The following MED27 variants were observed in gnomAD, a reference collection of about 807,000 sequenced individuals.
MED27 encodes the protein mediator of RNA polymerase II transcription subunit 27.
In MED27, 30 loss-of-function variants were observed where a neutral mutation model predicts 38.2. The ratio of observed to expected loss-of-function variants is 0.79; its 90% CI spans 0.59 to 1.07. The LOEUF is 1.07. Among genes scored for constraint, MED27 ranks in the 50% least tolerant of loss-of-function variants. The pLI is 0.00. For missense variants in MED27, 289 were observed against 397.5 expected (o/e 0.73, Z 2.32); for synonymous variants, 122 against 153.5 (o/e 0.79, Z 1.52).
chr9:132,048,204 T>A (rs1046967006), intron 2 of MED27, among the ~76,000 whole-genome samples: 3 of 152,208 alleles, frequency 2.0e-5, no homozygotes, highest in Non-Finnish European at 4.4e-5. Flanking sequence ...CTTGCAAACA[T>A]CCTTGACATT....
intron 5 of MED27, among the ~76,000 whole-genome samples, chr9:131,884,921 C>T (rs1275106561): frequency 2.0e-5 from 3 of 152,152 alleles, no homozygotes; most frequent in Admixed American, 2.0e-4. Context: ...TTTACCATTT[C>T]AAAATTTAAA....
chr9:131,894,619 A>G (rs1829795446), intron 4 of MED27, among the ~76,000 whole-genome samples: 2 of 140,192 alleles, frequency 1.4e-5, no homozygotes, highest in African/African-American at 5.4e-5. Flanking sequence ...CATATTATAC[A>G]TTAAAAAAAA....
chr9:131,939,342 TCCCCCAACA>T, intron 4 of MED27, 30 bp downstream of exon 4: 4 of 1,412,252 alleles, frequency 2.8e-6, no homozygotes, highest in Admixed American at 2.0e-5. Flanking sequence ...GTCCATTTTT[TCCCCCAACA>T]TCCCTACAAA....
intron 3 of MED27, among the ~76,000 whole-genome samples, chr9:131,939,918 T>A (rs536133079): frequency 6.6e-6 from 1 of 151,130 alleles, no homozygotes; most frequent in East Asian, 1.9e-4. Flanking sequence ...TTTTTTTTTT[T>A]TTCTTTGAGA....
chr9:131,907,081 G>A (rs540967189), intron 4 of MED27, among the ~76,000 whole-genome samples: 1 of 152,134 alleles, frequency 6.6e-6, no homozygotes, highest in African/African-American at 2.4e-5. Context: ...TGCCATCTTG[G>A]TTTTGGTGGG....
Position 131,862,777 on chromosome 9 carries a change from A to G in MED27, c.801+286T>C, listed in dbSNP as rs1025994532. Among the ~76,000 whole-genome samples the G allele has an allele frequency of 6.6e-6, 1 of 152,236 alleles. No homozygotes were observed. Among genetic ancestry groups the G allele is most frequent in the African/African-American group, 2.4e-5 (1 of 41,460 alleles). On this transcript the variant is annotated intron_variant, in intron 7 of 7. Coordinates refer to ENST00000292035, the MANE Select transcript of MED27 (RefSeq NM_004269.4). The surrounding 1 kb of genome is among the most constrained non-coding windows in gnomAD (Gnocchi z 4.6). ...GGGCCTGGCCCAGATTAGGAGCTCAATGAAATATCTGTGGACTAAGTCAAT... is the reference window on the plus strand; with the variant it reads ...GGGCCTGGCCCAGATTAGGAGCTCAGTGAAATATCTGTGGACTAAGTCAAT...
chr9:131,882,335 C>T (rs540026772), intron 6 of MED27, among the ~76,000 whole-genome samples: 7 of 152,270 alleles, frequency 4.6e-5, no homozygotes, highest in Admixed American at 1.3e-4. Flanking sequence ...TCAATGCACA[C>T]CAGATTTTCT....
intron 2 of MED27, among the ~76,000 whole-genome samples, chr9:132,054,970 G>T (rs1833545005): frequency 6.6e-6 from 1 of 152,142 alleles, no homozygotes; most frequent in South Asian, 2.1e-4. Flanking sequence ...ACCCTCACCA[G>T]TGCTGCCTCC....
At chr9:131,910,840 G>A (rs1270368361) in intron 4 of MED27, among the ~76,000 whole-genome samples, 1 of 152,176 alleles carries the variant, frequency 6.6e-6, no homozygotes, top group Non-Finnish European at 1.5e-5. Flanking sequence ...CTGGACTGGT[G>A]CGGAGGATCG....
In MED27 at chr9:132,051,024, A is replaced by G. The variant is rs1833454005; in HGVS notation, c.348+26418T>C. Reference sequence around the variant, plus strand: ...GTCCAGGAAACCCTAGGCTCAACACATGCATCTATACAACTGCACATTCAC... The same window carrying G: ...GTCCAGGAAACCCTAGGCTCAACACGTGCATCTATACAACTGCACATTCAC... On this transcript the variant is annotated intron_variant, in intron 2 of 7. Transcript: ENST00000292035. The surrounding 1 kb of genome is among the most constrained non-coding windows in gnomAD (Gnocchi z 4.2). Among the ~76,000 whole-genome samples, 1 of 152,204 alleles carries G rather than the reference A, an allele frequency of 6.6e-6. No individual in the cohort carries two copies. The highest frequency in any genetic ancestry group is 1.5e-5 in the Non-Finnish European group (1 of 68,034).
chr9:132,073,674 G>A, intron 2 of MED27: 1 of 1,510,466 alleles, frequency 6.6e-7, no homozygotes, highest in Non-Finnish European at 8.8e-7. Context: ...AACAGTTCAG[G>A]AGGGCAGGAG....
chr9:131,979,535 C>T (rs893143493), intron 3 of MED27, among the ~76,000 whole-genome samples: 1 of 146,524 alleles, frequency 6.8e-6, no homozygotes, highest in Non-Finnish European at 1.5e-5. Context: ...GATTTTAGTA[C>T]TGAAACTAGA....
At chr9:131,868,907 GAA>G (rs1838780409) in intron 6 of MED27, 3 of 985,492 alleles carry the variant, frequency 3.0e-6, no homozygotes, top group Non-Finnish European at 2.4e-6. Flanking sequence ...GAATTCACTA[GAA>G]AGTGTCCTCT....
intron 2 of MED27, among the ~76,000 whole-genome samples, chr9:132,022,215 G>A (rs960980953): frequency 6.6e-6 from 1 of 152,112 alleles, no homozygotes; most frequent in Non-Finnish European, 1.5e-5. Context: ...AGAAGGCCAC[G>A]TCAGATGCAC....
chr9:131,869,346 G>A (rs1044009861), intron 6 of MED27: 2 of 981,208 alleles, frequency 2.0e-6, no homozygotes, highest in African/African-American at 3.6e-5. Context: ...CAACAAAGTT[G>A]TTTTTTTGCT....
At chr9:132,067,648 C>T (rs1160518309) in intron 2 of MED27, among the ~76,000 whole-genome samples, 1 of 152,198 alleles carries the variant, frequency 6.6e-6, no homozygotes, top group East Asian at 1.9e-4. Flanking sequence ...GTATGGACTC[C>T]AGTCCTCGCC....
intron 3 of MED27, among the ~76,000 whole-genome samples, chr9:131,993,631 A>G (rs2131045576): frequency 6.6e-6 from 1 of 152,364 alleles, no homozygotes; most frequent in East Asian, 1.9e-4. Context: ...TCTAGTTTAC[A>G]GTGGATCCAT....
At chr9:131,877,823 C>T (rs1034263748) in intron 6 of MED27, among the ~76,000 whole-genome samples, 2 of 152,188 alleles carry the variant, frequency 1.3e-5, no homozygotes, top group Admixed American at 6.5e-5. Context: ...AGGTACTCCA[C>T]GTACCCACCA....
intron 2 of MED27, among the ~76,000 whole-genome samples, chr9:132,042,616 A>G (rs1269873970): frequency 5.3e-5 from 8 of 152,216 alleles, no homozygotes; most frequent in Admixed American, 4.6e-4. Flanking sequence ...AAGAACACTA[A>G]GCATTTCTGA....
Sources: gnomAD v4.1 joint callset for allele counts (sites outside exome capture counted in the v4.1 genomes callset) on GRCh38, gnomAD v4.1.1 for gene constraint, Gnocchi (gnomAD v3.1) non-coding constraint, MANE v1.5 for transcripts, NCBI Gene and HGNC (gene_info 2026-07-23, HGNC 2026-07-21) for gene names.